RPP14: variants seen among roughly 807,000 people sequenced by gnomAD.
The protein encoded by RPP14 is ribonuclease P protein subunit p14.
RPP14 carries 19 observed loss-of-function variants against 17.8 expected under a neutral mutation model. The observed-to-expected ratio is 1.07, with a 90% CI of 0.74 to 1.57. RPP14 has a LOEUF of 1.57. Ranked by LOEUF, RPP14 falls within the 40% of genes most tolerant of loss-of-function variation. RPP14 has a pLI of 0.00. For missense variants in RPP14, 125 were observed against 140.8 expected (o/e 0.89, Z 0.57); for synonymous variants, 60 against 56.4 (o/e 1.06, Z -0.29).
chr3:58,311,276 C>G (rs1010479334), intron 3 of RPP14, among the ~76,000 whole-genome samples: 4 of 152,064 alleles, frequency 2.6e-5, no homozygotes, highest in Admixed American at 2.0e-4. Flanking sequence ...TGCCTTAGCC[C>G]CCCTGGTAGC....
At chr3:58,309,997 T>C in intron 1 of RPP14, 1 of 239,604 alleles carries the variant, frequency 4.2e-6, no homozygotes, top group Non-Finnish European at 8.2e-6. Flanking sequence ...CCCAGGAGTT[T>C]GAAACCAGCC....
rs2097491947 is a variant in RPP14, at chr3:58,319,290, G to A, written c.*1794G>A. On this transcript the variant is annotated 3_prime_UTR_variant, in exon 6 of 6. Transcript: ENST00000295959. ...CTTGCGTTTCAGGGGAGGGGCGTAT[G>A]TGCATCCTCGGTCTCAGTTATGTAA... 6.6e-6 allele frequency: 1 copy of A among 152,222 alleles called. No homozygotes were observed. The highest frequency in any genetic ancestry group is 2.4e-5 in the African/African-American group (1 of 41,452). 9.4% of individuals were successfully genotyped at this position (152,222 alleles called of 1,614,324 possible).
intron 5 of RPP14, 83 bp downstream of exon 5, chr3:58,317,076 C>A: frequency 1.0e-6 from 1 of 996,880 alleles, no homozygotes; most frequent in Non-Finnish European, 1.6e-6. Flanking sequence ...CATTTTTGTG[C>A]TTGCATAAAT....
intron 3 of RPP14, among the ~76,000 whole-genome samples, chr3:58,313,063 AC>A (rs1422010313): frequency 6.6e-6 from 1 of 151,792 alleles, no homozygotes; most frequent in Non-Finnish European, 1.5e-5. Context: ...GCCGATCAAG[AC>A]CATCCTGGCT....
At chr3:58,314,456 G>A (rs1489577026) in intron 3 of RPP14, among the ~76,000 whole-genome samples, 5 of 152,190 alleles carry the variant, frequency 3.3e-5, no homozygotes, top group African/African-American at 4.8e-5. Context: ...TAAAGAGAAT[G>A]TGTGGTTGGC....
At position 58,320,144 on chromosome 3, in the gene RPP14, T is replaced by G. The variant is rs1031430702; in HGVS notation, c.*2648T>G. The stretch of plus-strand genomic sequence containing the variant: ...TCATCCATGTTACAGCATGTATCAG[T>G]ACATCATTTTATTTTATGGCTGAAT... On this transcript the variant is annotated 3_prime_UTR_variant, in exon 6 of 6. Transcript: ENST00000295959. 1 of 152,176 alleles carries G rather than the reference T, an allele frequency of 6.6e-6. No individual in the cohort carries two copies. Among genetic ancestry groups the G allele is most frequent in the African/African-American group, 2.4e-5 (1 of 41,442 alleles). 9.4% of individuals were successfully genotyped at this position (152,176 alleles called of 1,614,324 possible). A position where few individuals can be genotyped will look rare whatever the true frequency, so the allele number is the denominator to read the frequency against.
At position 58,318,854 on chromosome 3, in the gene RPP14, C is replaced by G. The variant is rs1473291907; in HGVS notation, c.*1358C>G. 1 of 151,960 alleles carries G rather than the reference C, an allele frequency of 6.6e-6. No individual in the cohort carries two copies. Among genetic ancestry groups the G allele is most frequent in the Non-Finnish European group, 1.5e-5 (1 of 68,038 alleles). The allele number at this position is 151,960 out of a possible 1,614,324, so 9.4% of individuals were successfully genotyped here. On this transcript the variant is annotated 3_prime_UTR_variant, in exon 6 of 6. Transcript: ENST00000295959. The stretch of plus-strand genomic sequence containing the variant: ...TCTCTACTAAAAATACAAAAACTAA[C>G]CGGGCATGGTGGCGGGCACCTGTAA...
chr3:58,307,464 C>G (rs2097476712), intron 1 of RPP14, among the ~76,000 whole-genome samples: 1 of 152,222 alleles, frequency 6.6e-6, no homozygotes, highest in Non-Finnish European at 1.5e-5. Context: ...TGGCTCATGC[C>G]TGTAATCCCA....
rs554315031 is a variant in RPP14 at position 58,311,399 on chromosome 3, C to T, written c.162+808C>T. 7.9e-5 allele frequency among the ~76,000 whole-genome samples: 12 copies of T among 152,332 alleles called. No individual in the cohort carries two copies. The South Asian group carries it at 1.0e-3, about 13-fold the overall frequency. On this transcript the variant is annotated intron_variant, in intron 3 of 5. Transcript: ENST00000295959. ...TGAACTCCTGACCTCAGGTGATCCA[C>T]GCGCCTTGGGCTCCCAAAGTGCTGG... is the stretch of plus-strand genomic sequence containing the variant.
At chr3:58,312,006 G>A (rs916779827) in intron 3 of RPP14, among the ~76,000 whole-genome samples, 4 of 152,086 alleles carry the variant, frequency 2.6e-5, no homozygotes, top group African/African-American at 9.7e-5. Flanking sequence ...CCGAGTAGCT[G>A]GGACCACAGG....
rs896324264 is a variant in RPP14 at position 58,317,888 on chromosome 3, T to C, written c.*392T>C. 1.3e-5 allele frequency: 9 copies of C among 702,906 alleles called. No individual in the cohort carries two copies. Among genetic ancestry groups the C allele is most frequent in the Admixed American group, 1.0e-4 (5 of 49,990 alleles). 43.5% of individuals were successfully genotyped at this position (702,906 alleles called of 1,614,324 possible). A position where few individuals can be genotyped will look rare whatever the true frequency, so the allele number is the denominator to read the frequency against. ...CATGGAGTTTTGATCAACGGACTTA[T>C]CTCAGCTCTCCTAGGAACTAAAATG... On this transcript the variant is annotated 3_prime_UTR_variant, in exon 6 of 6. Coordinates refer to ENST00000295959, the MANE Select transcript of RPP14 (RefSeq NM_007042.6).
chr3:58,312,034 A>ATT (rs1448128637), intron 3 of RPP14, among the ~76,000 whole-genome samples: 2 of 151,722 alleles, frequency 1.3e-5, no homozygotes, highest in Non-Finnish European at 2.9e-5. Flanking sequence ...CACCACGCCA[A>ATT]TTTTTTTACT....
rs140979078 is a variant in RPP14, at chr3:58,316,524, G to A, written c.172G>A (p.Ala58Thr). The part of the protein sequence containing the change: ...VKDLFGEVDA[A>T]LPLDILTYEE... The stretch of plus-strand genomic sequence containing the variant: ...ATTATTCCATATGCAGGTTGATGCC[G>A]CCTTACCTTTGGACATCCTAACCTA... Residue 58 changes from alanine to threonine, a missense_variant, in exon 4 of 6, where the codon GCC becomes ACC. Physicochemically the swap from Ala to Thr is moderately conservative, Grantham distance 58. Coordinates refer to ENST00000295959, the MANE Select transcript of RPP14 (RefSeq NM_007042.6). The A allele has an allele frequency of 3.7e-5, 59 of 1,613,806 alleles. No homozygotes were observed. The highest frequency in any genetic ancestry group is 2.0e-4 in the African/African-American group (15 of 75,028).
rs756354513 is a variant in RPP14 at position 58,310,281 on chromosome 3, C to G, written c.-21-28C>G. The stretch of plus-strand genomic sequence containing the variant: ...TCTGAAAAATAGCATGTGCATTGGT[C>G]ATTTCTAGCCCTCTTGACTTACTGT... On this transcript the variant is annotated intron_variant, in intron 1 of 5. Transcript: ENST00000295959. The G allele has an allele frequency of 8.5e-6, 13 of 1,535,342 alleles. No homozygotes were observed. The East Asian group carries it at 2.0e-4, about 24-fold the overall frequency.
Position 58,309,477 on chromosome 3 carries a change from A to G in RPP14, c.-21-832A>G, listed in dbSNP as rs560570156. ...AATTGTTAGCCAAAATTATGTTGTT[A>G]TGTTTTAAGTAAGAGTACAGTGATT... On this transcript the variant is annotated intron_variant, in intron 1 of 5. Coordinates refer to ENST00000295959, the MANE Select transcript of RPP14 (RefSeq NM_007042.6). Among the ~76,000 whole-genome samples, 9 of 152,338 alleles carry G rather than the reference A, an allele frequency of 5.9e-5. No homozygotes were observed. The East Asian group carries it at 1.7e-3, about 29-fold the overall frequency.
intron 1 of RPP14, among the ~76,000 whole-genome samples, chr3:58,308,673 C>G (rs1375397222): frequency 6.6e-6 from 1 of 152,152 alleles, no homozygotes; most frequent in Non-Finnish European, 1.5e-5. Context: ...TGGGTCTAAC[C>G]CAGAGTGGTT....
In RPP14 at chr3:58,319,029, A is replaced by G; in HGVS notation, c.*1533A>G. The G allele has an allele frequency of 6.6e-6, 1 of 152,110 alleles. No homozygotes were observed. Among genetic ancestry groups the G allele is most frequent in the East Asian group, 1.9e-4 (1 of 5,196 alleles). 9.4% of individuals were successfully genotyped at this position (152,110 alleles called of 1,614,324 possible). Reference sequence around the variant, plus strand: ...AAAGATTCTACTTTTAGAAATTCAGACCTAGATAGATTTGCATTTGGATAA... The same window carrying G: ...AAAGATTCTACTTTTAGAAATTCAGGCCTAGATAGATTTGCATTTGGATAA... On this transcript the variant is annotated 3_prime_UTR_variant, in exon 6 of 6. Transcript: ENST00000295959.
intron 1 of RPP14, 114 bp downstream of exon 1, chr3:58,306,531 C>T (rs2292679): frequency 0.28 from 41,992 of 152,196 alleles, 5,847 homozygotes; most frequent in African/African-American, 0.3. Context: ...TCCTCTCCGA[C>T]CCCGGGCGCT....
chr3:58,309,366 T>G (rs1424977677), intron 1 of RPP14, among the ~76,000 whole-genome samples: 1 of 152,206 alleles, frequency 6.6e-6, no homozygotes, highest in Non-Finnish European at 1.5e-5. Flanking sequence ...AAAATGGGAA[T>G]AATAATACCT....
Sources: allele counts gnomAD v4.1 joint callset (sites outside exome capture counted in the v4.1 genomes callset), GRCh38; gene constraint gnomAD v4.1.1; transcripts MANE v1.5; gene names NCBI Gene and HGNC (gene_info 2026-07-23, HGNC 2026-07-21).